The following GPBP1 variants were observed in gnomAD, a reference collection of about 807,000 sequenced individuals.
GPBP1 encodes vasculin.
In GPBP1, 13 loss-of-function variants were observed where a neutral mutation model predicts 56.5. The observed-to-expected ratio is 0.23, with a 90% CI of 0.15 to 0.37. The LOEUF (loss-of-function observed/expected upper bound fraction) is 0.37. GPBP1 is among the 10% of genes least tolerant of loss of function. GPBP1 has a pLI of 1.00. For missense variants in GPBP1, 477 were observed against 572.3 expected, an observed-to-expected ratio of 0.83 and a Z score of 1.70; for synonymous variants, 204 against 188.9, an observed-to-expected ratio of 1.08 and a Z score of -0.66.
intron 2 of GPBP1, among the ~76,000 whole-genome samples, chr5:57,178,366 T>A (rs1442248395): frequency 6.6e-6 from 1 of 152,170 alleles, no homozygotes; most frequent in Non-Finnish European, 1.5e-5. Context: ...TGCCTCAGCC[T>A]CGCCAGTAGC....
Position 57,251,047 on chromosome 5 carries a change from A to T in GPBP1, c.1066A>T (p.Asn356Tyr). The T allele has an allele frequency of 1.2e-6, 2 of 1,613,372 alleles. No individual in the cohort carries two copies. Among genetic ancestry groups the T allele is most frequent in the Non-Finnish European group, 1.7e-6 (2 of 1,179,660 alleles). Residue 356 changes from asparagine (N) to tyrosine (Y), a missense_variant, in exon 10 of 12, where the codon AAT (asparagine) becomes TAT (tyrosine). Physicochemically the swap from Asn to Tyr is moderately radical, Grantham distance 143. Coordinates refer to ENST00000506184, the MANE Select transcript of GPBP1 (RefSeq NM_022913.4). ...NFDENEIPQE[N>Y]GNASVISQQI... ...CGATGAAAATGAAATTCCTCAAGAGAATGGCAATGCCTCAGTGATTTCCCA... is the reference window on the plus strand; with the variant it reads ...CGATGAAAATGAAATTCCTCAAGAGTATGGCAATGCCTCAGTGATTTCCCA...
chr5:57,175,056 C>G (rs1484046197), intron 1 of GPBP1, among the ~76,000 whole-genome samples: 4 of 152,224 alleles, frequency 2.6e-5, no homozygotes, highest in African/African-American at 9.6e-5. Flanking sequence ...GGCAGCACAC[C>G]TGTCTTCGCT....
In GPBP1 at chr5:57,249,498, G is replaced by A; in HGVS notation, c.894G>A (p.Lys298=). Residue 298 remains lysine (K), a synonymous_variant, in exon 9 of 12, where the codon AAG becomes AAA. Transcript: ENST00000506184. ...TKLTRMRTDK[K]SEFLKALKRD... is the part of the protein sequence containing the mutation. ...TGACACGAATGCGCACTGATAAGAAGAGTGAATTTTTGAAAGCATTGAAAA... is the reference window on the plus strand; with the variant it reads ...TGACACGAATGCGCACTGATAAGAAAAGTGAATTTTTGAAAGCATTGAAAA... The A allele has an allele frequency of 6.2e-7, 1 of 1,613,542 alleles. No homozygotes were observed. Among genetic ancestry groups the A allele is most frequent in the Non-Finnish European group, 8.5e-7 (1 of 1,179,774 alleles).
In GPBP1 at chr5:57,247,158, T is replaced by C; in HGVS notation, c.747T>C (p.Phe249=). The C allele has an allele frequency of 1.9e-6, 3 of 1,613,814 alleles. No individual in the cohort carries two copies. Among genetic ancestry groups the C allele is most frequent in the Non-Finnish European group, 2.5e-6 (3 of 1,179,828 alleles). ...PHESTFGVGN[F]NAFKSTAKNF... ...AGTCCACATTTGGCGTTGGCAACTT[T>C]AATGCTTTTAAATCAACTGCCAAGA... Residue 249 remains phenylalanine (F), a synonymous_variant, in exon 8 of 12, where the codon TTT becomes TTC. Transcript: ENST00000506184.
chr5:57,240,710 C>CA (rs1467826311), intron 6 of GPBP1, among the ~76,000 whole-genome samples: 1 of 152,142 alleles, frequency 6.6e-6, no homozygotes, highest in Non-Finnish European at 1.5e-5. Flanking sequence ...TGGTGGCTCT[C>CA]ACACCTGTAA....
At chr5:57,245,529 G>A (rs977739974) in intron 6 of GPBP1, 3 of 152,128 alleles carry the variant, frequency 2.0e-5, no homozygotes, top group Non-Finnish European at 4.4e-5. Flanking sequence ...TTCCAGCTGT[G>A]AAACTGATGC....
chr5:57,188,830 CCTA>C (rs1440855645), intron 2 of GPBP1, among the ~76,000 whole-genome samples: 3 of 152,154 alleles, frequency 2.0e-5, no homozygotes, highest in South Asian at 2.1e-4. Flanking sequence ...CCACCAGCTA[CCTA>C]TTTATTCAGG....
chr5:57,213,780 A>G (rs1344583946), intron 2 of GPBP1, among the ~76,000 whole-genome samples: 1 of 152,236 alleles, frequency 6.6e-6, no homozygotes, highest in African/African-American at 2.4e-5. Flanking sequence ...ATACTGAGGT[A>G]TACTTTATGA....
intron 2 of GPBP1, among the ~76,000 whole-genome samples, chr5:57,179,143 A>T (rs1007325694): frequency 3.3e-5 from 5 of 152,212 alleles, no homozygotes; most frequent in Non-Finnish European, 7.3e-5. Flanking sequence ...GCACTATGCC[A>T]TACTTACACT....
At position 57,188,979 on chromosome 5, in the gene GPBP1, T is replaced by TG. The variant is rs1754406584; in HGVS notation, c.-58+12579_-58+12580insG. Among the ~76,000 whole-genome samples, 5 of 151,982 alleles carry TG rather than the reference T, an allele frequency of 3.3e-5. No individual in the cohort carries two copies. In the South Asian group the frequency reaches 6.3e-4, roughly 19 times the overall value. On this transcript the variant is annotated intron_variant, in intron 2 of 11. Transcript: ENST00000506184. Reference sequence around the variant, plus strand: ...CTGCTACTAGACTTGTACAAGCCTCTTTCTGTCTGTCTGTCTGTCTGTCTT... The same window carrying TG: ...CTGCTACTAGACTTGTACAAGCCTCTGTTCTGTCTGTCTGTCTGTCTGTCTT...
intron 10 of GPBP1, among the ~76,000 whole-genome samples, chr5:57,257,454 G>A (rs538397824): frequency 2.0e-5 from 3 of 152,268 alleles, no homozygotes; most frequent in South Asian, 2.1e-4. Context: ...TCAGGGTATC[G>A]AGGTAGCCTC....
At chr5:57,232,188 A>G (rs1451248925) in intron 5 of GPBP1, among the ~76,000 whole-genome samples, 1 of 152,038 alleles carries the variant, frequency 6.6e-6, no homozygotes, top group Non-Finnish European at 1.5e-5. Context: ...CTAGCTCACT[A>G]TGTTGGCCTA....
intron 11 of GPBP1, among the ~76,000 whole-genome samples, chr5:57,262,232 A>G (rs1295903640): frequency 2.6e-5 from 4 of 152,212 alleles, no homozygotes; most frequent in Admixed American, 2.0e-4. Flanking sequence ...GTAACTTTAT[A>G]TACCTCATTC....
At chr5:57,231,403 A>G in intron 5 of GPBP1, 82 bp downstream of exon 5, 1 of 1,077,706 alleles carries the variant, frequency 9.3e-7, no homozygotes, top group Non-Finnish European at 1.3e-6. Context: ...CCTCTCCAGT[A>G]TCTGGGATTA....
At position 57,231,169 on chromosome 5, in the gene GPBP1, C is replaced by G; in HGVS notation, c.259C>G (p.Arg87Gly). The change falls in exon 5 of 12, where the codon CGA (arginine) becomes GGA (glycine). Residue 87 changes from arginine (R) to glycine (G), a missense_variant. Physicochemically the swap from Arg to Gly is moderately radical, Grantham distance 125. Transcript: ENST00000506184. The stretch of plus-strand genomic sequence containing the variant: ...AAATGGTACAGAAAACATAAATCAT[C>G]GAGGTGGATACCATGGTGGAAGTTC... ...GRNGTENINH[R>G]GGYHGGSSRS... is the part of the protein sequence containing the mutation. The G allele has an allele frequency of 1.2e-6, 2 of 1,614,040 alleles. No homozygotes were observed. Among genetic ancestry groups the G allele is most frequent in the Non-Finnish European group, 1.7e-6 (2 of 1,179,998 alleles).
intron 2 of GPBP1, among the ~76,000 whole-genome samples, chr5:57,178,200 T>C (rs187731495): frequency 6.6e-6 from 1 of 152,198 alleles, no homozygotes; most frequent in African/African-American, 2.4e-5. Flanking sequence ...TGAACTGGAG[T>C]CAAACGATCA....
intron 2 of GPBP1, among the ~76,000 whole-genome samples, chr5:57,194,874 T>TA (rs1754679793): frequency 6.6e-6 from 1 of 152,228 alleles, no homozygotes. Context: ...GCCATATACA[T>TA]ACCATGTTTT....
chr5:57,184,077 C>T (rs1431189782), intron 2 of GPBP1, among the ~76,000 whole-genome samples: 1 of 151,862 alleles, frequency 6.6e-6, no homozygotes, highest in South Asian at 2.1e-4. Flanking sequence ...ACTAAAAATA[C>T]AAAAATTAGC....
At chr5:57,221,603 T>C (rs1755961756) in intron 3 of GPBP1, among the ~76,000 whole-genome samples, 1 of 152,234 alleles carries the variant, frequency 6.6e-6, no homozygotes, top group Admixed American at 6.5e-5. Flanking sequence ...TTTTTTTCTT[T>C]TTAAACAAAA....
Sources: allele counts gnomAD v4.1 joint callset (sites outside exome capture counted in the v4.1 genomes callset), GRCh38; gene constraint gnomAD v4.1.1; transcripts MANE v1.5; gene names NCBI Gene and HGNC (gene_info 2026-07-23, HGNC 2026-07-21).